Variants in PRUNE2 observed in about 807,000 individuals in gnomAD.
PRUNE2 encodes the protein prune homolog 2 with BCH domain.
In PRUNE2, 164 loss-of-function variants were observed where a neutral mutation model predicts 252.0. The ratio of observed to expected loss-of-function variants is 0.65; its 90% CI spans 0.57 to 0.74. PRUNE2 has a LOEUF of 0.74. Ranked by LOEUF, PRUNE2 falls within the 30% of genes least tolerant of loss-of-function variation. The pLI, the probability that PRUNE2 is intolerant of heterozygous loss-of-function variation, is 0.00. For missense variants in PRUNE2, 3,495 were observed against 3,711.0 expected, an observed-to-expected ratio of 0.94 and a Z score of 1.51; for synonymous variants, 1,292 against 1,350.2, an observed-to-expected ratio of 0.96 and a Z score of 0.94.
intron 9 of PRUNE2, among the ~76,000 whole-genome samples, chr9:76,698,348 A>G (rs771011171): frequency 2.0e-5 from 3 of 152,198 alleles, no homozygotes; most frequent in African/African-American, 4.8e-5. Context: ...TGCCCGGCAA[A>G]GGACTTTTAA....
chr9:76,676,186 C>T (rs1466410976), intron 9 of PRUNE2, among the ~76,000 whole-genome samples: 1 of 150,524 alleles, frequency 6.6e-6, no homozygotes, highest in African/African-American at 2.4e-5. Context: ...GTTTAACCTG[C>T]GGCTGCAGAT....
chr9:76,861,257 T>C (rs1178839411), intron 1 of PRUNE2, among the ~76,000 whole-genome samples: 1 of 152,236 alleles, frequency 6.6e-6, no homozygotes, highest in East Asian at 1.9e-4. Context: ...TGCCTCTTGA[T>C]ACTGGCCCTG....
intron 1 of PRUNE2, among the ~76,000 whole-genome samples, chr9:76,871,542 C>T: frequency 6.6e-6 from 1 of 152,188 alleles, no homozygotes; most frequent in Non-Finnish European, 1.5e-5. Flanking sequence ...CCCTGCTCAG[C>T]CCTTCCTCAC....
At chr9:76,653,981 G>C (rs536260177) in intron 10 of PRUNE2, among the ~76,000 whole-genome samples, 1 of 152,264 alleles carries the variant, frequency 6.6e-6, no homozygotes, top group Admixed American at 6.5e-5. Context: ...AGTATAATAA[G>C]AAATGTATTT....
At chr9:76,848,753 G>C (rs2132506313) in intron 3 of PRUNE2, among the ~76,000 whole-genome samples, 1 of 152,344 alleles carries the variant, frequency 6.6e-6, no homozygotes, top group Non-Finnish European at 1.5e-5. Context: ...CAGAGAATTT[G>C]TCTTATTCCT....
At position 76,705,211 on chromosome 9, in the gene PRUNE2, C is replaced by CG; in HGVS notation, c.7062_7063insC (p.Asp2355ArgfsTer9). ...TCATCGATATTCTGGCCCATTACAT[C>CG]ATATTCAAAATCACCCCACGAGGCT... On this transcript the variant is annotated frameshift_variant, in exon 8 of 19. Transcript: ENST00000376718. LOFTEE classifies it high-confidence loss of function. 1 of 1,614,042 alleles carries CG rather than the reference C, an allele frequency of 6.2e-7. No individual in the cohort carries two copies. The highest frequency in any genetic ancestry group is 1.7e-5 in the Admixed American group (1 of 60,032).
intron 9 of PRUNE2, among the ~76,000 whole-genome samples, chr9:76,656,252 A>G (rs1849181797): frequency 6.6e-6 from 1 of 152,132 alleles, no homozygotes; most frequent in Admixed American, 6.5e-5. Context: ...GAAGCTGACC[A>G]CTGTTCACGA....
At chr9:76,862,393 C>T (rs62568076) in intron 1 of PRUNE2, 1 of 152,320 alleles carries the variant, frequency 6.6e-6, no homozygotes, top group East Asian at 1.9e-4. Context: ...TTTCATTTAG[C>T]CTCCTATGAA....
chr9:76,829,191 T>C (rs115204265), intron 4 of PRUNE2, among the ~76,000 whole-genome samples: 1,894 of 152,250 alleles, frequency 0.012, 34 homozygotes, highest in African/African-American at 0.041. Flanking sequence ...CCCAAGTAAC[T>C]GTCTTGGAAG....
chr9:76,723,833 A>T (rs1303362523), intron 6 of PRUNE2, among the ~76,000 whole-genome samples: 1 of 140,700 alleles, frequency 7.1e-6, no homozygotes, highest in Non-Finnish European at 1.5e-5. Context: ...TTTGAGATGG[A>T]GTATCGCTCT....
In PRUNE2 at chr9:76,721,056, C is replaced by T. The variant is rs183513571; in HGVS notation, c.757-7335G>A. 5.3e-5 allele frequency among the ~76,000 whole-genome samples: 8 copies of T among 152,062 alleles called. No homozygotes were observed. The South Asian group carries it at 8.3e-4, about 16-fold the overall frequency. On this transcript the variant is annotated intron_variant, in intron 6 of 18. Transcript: ENST00000376718. ...GGCGGAGCTTGCAGTGAGCCGAGAT[C>T]GCACCACTGCACTCCAGCCTGGGCA...
intron 4 of PRUNE2, among the ~76,000 whole-genome samples, chr9:76,830,568 C>T (rs1275717579): frequency 6.6e-6 from 1 of 151,498 alleles, no homozygotes. Flanking sequence ...ACAAGAATCA[C>T]TTGAACCTGG....
intron 1 of PRUNE2, among the ~76,000 whole-genome samples, chr9:76,872,600 AACAC>A (rs71354690): frequency 0.06 from 8,346 of 139,246 alleles, 383 homozygotes; most frequent in African/African-American, 0.14. Flanking sequence ...GATTATGGAA[AACAC>A]ACACACACAC....
intron 1 of PRUNE2, among the ~76,000 whole-genome samples, chr9:76,865,847 A>ACACCCC (rs1336460062): frequency 1.4e-5 from 2 of 145,396 alleles, no homozygotes; most frequent in Admixed American, 6.8e-5. Flanking sequence ...ACACACACAC[A>ACACCCC]CCAGAGCATT....
chr9:76,896,342 A>C (rs2062822111), intron 1 of PRUNE2, among the ~76,000 whole-genome samples: 1 of 152,234 alleles, frequency 6.6e-6, no homozygotes, highest in Non-Finnish European at 1.5e-5. Context: ...CAGAGATTGC[A>C]CTTAGGGAAT....
At chr9:76,701,470 C>T (rs1588681972) in intron 9 of PRUNE2, among the ~76,000 whole-genome samples, 3 of 152,102 alleles carry the variant, frequency 2.0e-5, no homozygotes, top group Admixed American at 1.3e-4. Flanking sequence ...TGTTGGATCT[C>T]GGGGCATGTG....
chr9:76,646,153 T>C (rs1377350212), intron 11 of PRUNE2, among the ~76,000 whole-genome samples: 3 of 152,222 alleles, frequency 2.0e-5, no homozygotes, highest in East Asian at 1.9e-4. Flanking sequence ...GCTAAGAAAC[T>C]GTGCCTTGAA....
chr9:76,707,848 T>C lies in PRUNE2; in HGVS notation c.4426A>G (p.Asn1476Asp). ...CTGTGAGGTGGCCCTCCACCCACGT[T>C]CTCTGGCTCTAGAAAGTTACATTCT... ...TEECNFLEPENVGGGPPHRVP... is the reference protein window; with the variant it reads ...TEECNFLEPEDVGGGPPHRVP... The change falls in exon 8 of 19, where the codon AAC (asparagine) becomes GAC (aspartate). Residue 1476 changes from asparagine to aspartate, a missense_variant. Asn to Asp is a conservative substitution (Grantham distance 23, BLOSUM62 1). Transcript: ENST00000376718. 1 of 1,613,754 alleles carries C rather than the reference T, an allele frequency of 6.2e-7. No individual in the cohort carries two copies. Among genetic ancestry groups the C allele is most frequent in the East Asian group, 2.2e-5 (1 of 44,876 alleles).
intron 1 of PRUNE2, among the ~76,000 whole-genome samples, chr9:76,892,656 C>A (rs1423340966): frequency 6.6e-6 from 1 of 152,080 alleles, no homozygotes; most frequent in Non-Finnish European, 1.5e-5. Context: ...ATTGGGGTTG[C>A]AAGATATACA....
Sources: allele counts gnomAD v4.1 joint callset (sites outside exome capture counted in the v4.1 genomes callset), GRCh38; gene constraint gnomAD v4.1.1; transcripts MANE v1.5; gene names NCBI Gene and HGNC (gene_info 2026-07-23, HGNC 2026-07-21).